HVCN1: variants seen among roughly 807,000 people sequenced by gnomAD.
HVCN1 encodes the protein voltage-gated hydrogen channel 1.
In HVCN1, 14 loss-of-function variants were observed where a neutral mutation model predicts 29.2. That is an observed-to-expected ratio of 0.48 (90% CI 0.32 to 0.75). The LOEUF (loss-of-function observed/expected upper bound fraction) is 0.75. HVCN1 is among the 30% of genes least tolerant of loss of function. HVCN1 has a pLI of 0.04. For missense variants in HVCN1, 263 were observed against 341.8 expected (o/e 0.77, Z 1.82); for synonymous variants, 131 against 133.2 (o/e 0.98, Z 0.11).
chr12:110,698,581 C>T (rs904451514), intron 2 of HVCN1, among the ~76,000 whole-genome samples: 3 of 152,226 alleles, frequency 2.0e-5, no homozygotes, highest in Non-Finnish European at 2.9e-5. Context: ...TGAACTCCCT[C>T]GCACCCCTTG....
intron 3 of HVCN1, among the ~76,000 whole-genome samples, chr12:110,678,090 C>G (rs1229965918): frequency 6.6e-6 from 1 of 152,220 alleles, no homozygotes; most frequent in Non-Finnish European, 1.5e-5. Context: ...GCCCATGAGG[C>G]GGGGACTGCA....
intron 2 of HVCN1, among the ~76,000 whole-genome samples, chr12:110,697,903 G>C (rs1002610862): frequency 3.9e-5 from 6 of 152,138 alleles, no homozygotes; most frequent in Non-Finnish European, 7.4e-5. Context: ...GCCCACCTCG[G>C]CCTCCCAAAG....
intron 2 of HVCN1, among the ~76,000 whole-genome samples, chr12:110,702,105 T>C (rs1218313339): frequency 6.6e-6 from 1 of 151,616 alleles, no homozygotes; most frequent in Non-Finnish European, 1.5e-5. Context: ...AAACTTGGTC[T>C]AACACATCAC....
chr12:110,693,286 G>A (rs1475045646), upstream of HVCN1, among the ~76,000 whole-genome samples: 2 of 152,244 alleles, frequency 1.3e-5, no homozygotes, highest in Non-Finnish European at 2.9e-5. Flanking sequence ...GCTCATGCCT[G>A]TAATCCCAGC....
chr12:110,678,215 TC>T (rs2068812279), intron 3 of HVCN1, among the ~76,000 whole-genome samples: 1 of 151,544 alleles, frequency 6.6e-6, no homozygotes, highest in African/African-American at 2.4e-5. Context: ...CAAGCCCAGC[TC>T]CCCCTCCTCC....
chr12:110,649,351 C>T lies in HVCN1; in HGVS notation c.*59G>A. 1 of 1,409,444 alleles carries T rather than the reference C, an allele frequency of 7.1e-7. No homozygotes were observed. Among genetic ancestry groups the T allele is most frequent in the Non-Finnish European group, 1.0e-6 (1 of 1,003,180 alleles). 87.3% of individuals were successfully genotyped at this position (1,409,444 alleles called of 1,614,324 possible). A position where few individuals can be genotyped will look rare whatever the true frequency, so the allele number is the denominator to read the frequency against. ...CGGCCCAGGAGGGGCAGCTGTTCCTCTCGTGACAGCACAGGCCCATGAGAC... is the reference window on the plus strand; with the variant it reads ...CGGCCCAGGAGGGGCAGCTGTTCCTTTCGTGACAGCACAGGCCCATGAGAC... On this transcript the variant is annotated 3_prime_UTR_variant, in exon 8 of 8. Transcript: ENST00000242607.
At chr12:110,659,311 G>A (rs1413140064) in intron 4 of HVCN1, among the ~76,000 whole-genome samples, 1 of 151,276 alleles carries the variant, frequency 6.6e-6, no homozygotes, top group Non-Finnish European at 1.5e-5. Flanking sequence ...ACACAAGAGT[G>A]GGGAAAAAAA....
chr12:110,679,906 G>A (rs1293845224), intron 3 of HVCN1, among the ~76,000 whole-genome samples: 1 of 151,942 alleles, frequency 6.6e-6, no homozygotes, highest in African/African-American at 2.4e-5. Context: ...GAGGTGGCAG[G>A]GGGCAGAGAG....
intron 3 of HVCN1, among the ~76,000 whole-genome samples, chr12:110,671,269 C>T (rs1220228855): frequency 6.6e-6 from 1 of 152,062 alleles, no homozygotes; most frequent in African/African-American, 2.4e-5. Context: ...TGCAGTGAGC[C>T]GAGATCATGC....
At chr12:110,652,679 A>G (rs570289040) in intron 5 of HVCN1, among the ~76,000 whole-genome samples, 18 of 152,348 alleles carry the variant, frequency 1.2e-4, no homozygotes, top group African/African-American at 4.3e-4. Context: ...ACATACACAC[A>G]TGGGAAAACA....
intron 1 of HVCN1, among the ~76,000 whole-genome samples, chr12:110,703,688 C>G (rs2069583197): frequency 6.6e-6 from 1 of 151,904 alleles, no homozygotes; most frequent in African/African-American, 2.4e-5. Flanking sequence ...CCCCCCGCCT[C>G]TCTCTTTTTT....
Position 110,661,517 on chromosome 12 carries a change from G to A in HVCN1, c.22-69C>T, listed in dbSNP as rs2068171998. 5.3e-6 allele frequency: 8 copies of A among 1,507,668 alleles called. No individual in the cohort carries two copies. Among genetic ancestry groups the A allele is most frequent in the African/African-American group, 1.4e-5 (1 of 73,008 alleles). The allele number at this position is 1,507,668 out of a possible 1,614,324, so 93.4% of individuals were successfully genotyped here. ...ACTCAGAGCCCACATGGCCCAGGCC[G>A]GGCCAGGCCACTGCAGGTGAAGATG... On this transcript the variant is annotated intron_variant, in intron 3 of 7. Transcript: ENST00000242607. The surrounding 1 kb of genome is among the most constrained non-coding windows in gnomAD (Gnocchi z 6.2).
In HVCN1 at chr12:110,658,727, T is replaced by C. The variant is rs2068068578; in HGVS notation, c.306+2437A>G. Among the ~76,000 whole-genome samples, 1 of 152,186 alleles carries C rather than the reference T, an allele frequency of 6.6e-6. No homozygotes were observed. The highest frequency in any genetic ancestry group is 1.5e-5 in the Non-Finnish European group (1 of 68,034). On this transcript the variant is annotated intron_variant, in intron 4 of 7. Coordinates refer to ENST00000242607, the MANE Select transcript of HVCN1 (RefSeq NM_032369.4). The surrounding 1 kb of genome is among the most constrained non-coding windows in gnomAD (Gnocchi z 5.0). ...AACCAATGTGTGTCTCAGTGATGGC[T>C]CCCGTCATTCCTGCCTTTCTGCAGC...
Position 110,661,856 on chromosome 12 carries a change from C to T in HVCN1, c.22-408G>A, listed in dbSNP as rs2136300938. Among the ~76,000 whole-genome samples the T allele has an allele frequency of 6.6e-6, 1 of 151,966 alleles. No homozygotes were observed. The highest frequency in any genetic ancestry group is 1.5e-5 in the Non-Finnish European group (1 of 67,952). ...AGGAGAAGCCAAAAGTAAAAGTACCCAGAGTTTCATAGAAAAGTCACGAGA... is the reference window on the plus strand; with the variant it reads ...AGGAGAAGCCAAAAGTAAAAGTACCTAGAGTTTCATAGAAAAGTCACGAGA... On this transcript the variant is annotated intron_variant, in intron 3 of 7. Transcript: ENST00000242607. The surrounding 1 kb of genome is among the most constrained non-coding windows in gnomAD (Gnocchi z 6.2).
chr12:110,682,646 G>A (rs2069022773), intron 3 of HVCN1: 1 of 157,428 alleles, frequency 6.4e-6, no homozygotes, highest in African/African-American at 2.4e-5. Flanking sequence ...TGCAAGGGCA[G>A]GGGTGGTAAA....
chr12:110,678,774 G>A (rs918354165), intron 3 of HVCN1, among the ~76,000 whole-genome samples: 1 of 152,040 alleles, frequency 6.6e-6, no homozygotes, highest in Non-Finnish European at 1.5e-5. Flanking sequence ...TTAAAAGGTC[G>A]ACTGTAGCCC....
intron 2 of HVCN1, among the ~76,000 whole-genome samples, chr12:110,697,066 C>G (rs1045938085): frequency 6.6e-6 from 1 of 151,738 alleles, no homozygotes; most frequent in African/African-American, 2.4e-5. Context: ...GGCAGAGCAC[C>G]GGAGTGCACT....
At chr12:110,703,600 A>G (rs1053181499) in intron 1 of HVCN1, among the ~76,000 whole-genome samples, 2 of 151,470 alleles carry the variant, frequency 1.3e-5, no homozygotes, top group African/African-American at 4.8e-5. Flanking sequence ...GTACTCTTCT[A>G]CTTGTGTATA....
At chr12:110,703,282 G>A (rs1301446583) in intron 1 of HVCN1, among the ~76,000 whole-genome samples, 1 of 150,182 alleles carries the variant, frequency 6.7e-6, no homozygotes, top group African/African-American at 2.4e-5. Flanking sequence ...CCAGCTACTT[G>A]AGAGGCTGAG....
Sources: gnomAD v4.1 joint callset for allele counts (sites outside exome capture counted in the v4.1 genomes callset) on GRCh38, gnomAD v4.1.1 for gene constraint, Gnocchi (gnomAD v3.1) non-coding constraint, MANE v1.5 for transcripts, NCBI Gene and HGNC (gene_info 2026-07-23, HGNC 2026-07-21) for gene names.